DOCK11: variants seen among roughly 807,000 people sequenced by gnomAD.
The protein encoded by DOCK11 is dedicator of cytokinesis protein 11.
DOCK11 carries 70 observed loss-of-function variants against 169.1 expected under a neutral mutation model. The ratio of observed to expected loss-of-function variants is 0.41; its 90% CI spans 0.34 to 0.51. The LOEUF (loss-of-function observed/expected upper bound fraction) is 0.51. Among genes scored for constraint, DOCK11 ranks in the 20% least tolerant of loss-of-function variants. DOCK11 has a pLI of 0.10. For missense variants in DOCK11, 1,166 were observed against 1,538.8 expected, an observed-to-expected ratio of 0.76 and a Z score of 4.05; for synonymous variants, 529 against 541.3, an observed-to-expected ratio of 0.98 and a Z score of 0.32.
At chrX:118,521,357 C>T (rs1046705486) in intron 1 of DOCK11, among the ~76,000 whole-genome samples, 2 of 112,385 alleles carry the variant, frequency 1.8e-5, no homozygotes, top group Admixed American at 1.9e-4. Flanking sequence ...CCATGGTCAA[C>T]CCTTTGCATA....
chrX:118,543,064 A>G (rs1376968470), intron 3 of DOCK11, 49 bp downstream of exon 3: 1 of 940,914 alleles, frequency 1.1e-6, no homozygotes, highest in South Asian at 2.2e-5. Flanking sequence ...TATTTAAAAT[A>G]TATACAGTAT....
intron 31 of DOCK11, among the ~76,000 whole-genome samples, chrX:118,622,634 T>A (rs1032392408): frequency 2.4e-4 from 27 of 111,869 alleles, no homozygotes; most frequent in African/African-American, 8.1e-4. Context: ...ACTCACTATA[T>A]GCCGAACACT....
Position 118,512,501 on chromosome X carries a change from G to A in DOCK11, c.102+16428G>A, listed in dbSNP as rs531284657. 9.8e-5 allele frequency among the ~76,000 whole-genome samples: 11 copies of A among 111,982 alleles called. No individual in the cohort carries two copies. In the South Asian group the frequency reaches 4.1e-3, roughly 42 times the overall value. ...GGGGTGAGTAGATACTTATTCAGGG[G>A]CTGGAGACAGTGCATATACTGTCAA... On this transcript the variant is annotated intron_variant, in intron 1 of 52. Transcript: ENST00000276202.
At chrX:118,548,039 T>C (rs779610503) in intron 6 of DOCK11, among the ~76,000 whole-genome samples, 2 of 111,626 alleles carry the variant, frequency 1.8e-5, no homozygotes, top group African/African-American at 6.5e-5. Flanking sequence ...CAGAATTAGA[T>C]GCTGTCTCTA....
chrX:118,578,490 C>T, intron 12 of DOCK11, 35 bp from the exon 13 acceptor site: 1 of 1,195,809 alleles, frequency 8.4e-7, no homozygotes, highest in East Asian at 3.0e-5. Flanking sequence ...CACAAGATTA[C>T]ATAAGAAAGT....
chrX:118,613,827 C>G (rs1416185557), intron 28 of DOCK11, among the ~76,000 whole-genome samples: 1 of 112,516 alleles, frequency 8.9e-6, no homozygotes, highest in Non-Finnish European at 1.9e-5. Flanking sequence ...GCCTGTCTCT[C>G]TCTCTCTCTC....
chrX:118,568,385 TA>T (rs1370986470), intron 10 of DOCK11, among the ~76,000 whole-genome samples: 4 of 8,456 alleles, frequency 4.7e-4, no homozygotes, highest in African/African-American at 2.5e-3. Flanking sequence ...TATATATATA[TA>T]TATATATATA....
At chrX:118,624,455 T>C in intron 31 of DOCK11, 84 bp from the exon 32 acceptor site, 1 of 580,409 alleles carries the variant, frequency 1.7e-6, no homozygotes, top group South Asian at 3.2e-5. Context: ...TTTTAGTCTT[T>C]AAATTGATAT....
intron 46 of DOCK11, among the ~76,000 whole-genome samples, chrX:118,674,341 T>C (rs1296641502): frequency 9.0e-6 from 1 of 111,547 alleles, no homozygotes; most frequent in Non-Finnish European, 1.9e-5. Flanking sequence ...AGATGGGGTT[T>C]CACCATGTTG....
chrX:118,600,920 C>T (rs904311684), intron 23 of DOCK11, among the ~76,000 whole-genome samples: 9 of 110,426 alleles, frequency 8.2e-5, no homozygotes, highest in Middle Eastern at 4.7e-3. Flanking sequence ...GGGAGCTTGT[C>T]GAGTAAGGCT....
chrX:118,534,222 G>C (rs901745620), intron 1 of DOCK11, among the ~76,000 whole-genome samples: 1 of 112,016 alleles, frequency 8.9e-6, no homozygotes, highest in African/African-American at 3.2e-5. Context: ...CAAGTTTGTC[G>C]AGTAAAGTTT....
At chrX:118,669,714 T>A (rs946263801) in intron 45 of DOCK11, among the ~76,000 whole-genome samples, 1 of 112,517 alleles carries the variant, frequency 8.9e-6, no homozygotes, top group Non-Finnish European at 1.9e-5. Context: ...AATATCAAAG[T>A]ACCACAAATT....
At position 118,512,911 on chromosome X, in the gene DOCK11, T is replaced by G. The variant is rs193070073; in HGVS notation, c.102+16838T>G. 2.7e-3 allele frequency among the ~76,000 whole-genome samples: 302 copies of G among 112,067 alleles called. 6 individuals carry two copies. The Admixed American group carries it at 0.028, about 11-fold the overall frequency. On this transcript the variant is annotated intron_variant, in intron 1 of 52. Transcript: ENST00000276202. ...AGAGCAGCCCCCACTGGGACTGGCT[T>G]CTTCTTACTGACTACATTCTCTTTC...
intron 10 of DOCK11, 25 bp downstream of exon 10, chrX:118,568,187 AGT>A: frequency 1.0e-6 from 1 of 955,604 alleles, no homozygotes; most frequent in Non-Finnish European, 1.4e-6. Flanking sequence ...TTTCTTTAAT[AGT>A]CCTAGAATTA....
intron 24 of DOCK11, among the ~76,000 whole-genome samples, chrX:118,607,146 A>C (rs1190999107): frequency 1.4e-5 from 1 of 72,520 alleles, no homozygotes; most frequent in South Asian, 7.0e-4. Flanking sequence ...GGTGGAGTCT[A>C]GCTCTGTTGC....
chrX:118,575,583 G>A (rs1759651897), intron 12 of DOCK11, among the ~76,000 whole-genome samples: 1 of 111,746 alleles, frequency 8.9e-6, no homozygotes, highest in African/African-American at 3.3e-5. Flanking sequence ...TCTTTTTGGG[G>A]CTGTGGATTT....
chrX:118,636,579 G>T (rs767503715), intron 36 of DOCK11, among the ~76,000 whole-genome samples, 167 bp downstream of exon 36: 1 of 111,918 alleles, frequency 8.9e-6, no homozygotes, highest in Non-Finnish European at 1.9e-5. Flanking sequence ...GCAGACAGAA[G>T]AAAAATGTGA....
chrX:118,554,028 G>T (rs1351184531), intron 6 of DOCK11, among the ~76,000 whole-genome samples: 1 of 111,571 alleles, frequency 9.0e-6, no homozygotes, highest in African/African-American at 3.3e-5. Context: ...TCAGAGACAA[G>T]GTCTTACTAT....
intron 1 of DOCK11, among the ~76,000 whole-genome samples, chrX:118,529,536 C>A (rs181148574): frequency 1.2e-3 from 130 of 111,562 alleles, no homozygotes; most frequent in Middle Eastern, 4.6e-3. Flanking sequence ...AAAATATTGA[C>A]CATGGATTTG....
Sources: allele counts gnomAD v4.1 joint callset (sites outside exome capture counted in the v4.1 genomes callset), GRCh38; gene constraint gnomAD v4.1.1; transcripts MANE v1.5; gene names NCBI Gene and HGNC (gene_info 2026-07-23, HGNC 2026-07-21).